DRC10: variants seen among roughly 807,000 people sequenced by gnomAD.
DRC10 encodes IQ domain-containing protein D.
chr12:113,204,959 T>C, the DRC10 span, among the ~76,000 whole-genome samples: 1 of 152,064 alleles, frequency 6.6e-6, no homozygotes, highest in East Asian at 1.9e-4. Context: ...ATCCCTAGCT[T>C]GGAAGGTTCT....
the DRC10 span, chr12:113,197,583 C>A: frequency 6.5e-7 from 1 of 1,534,180 alleles, no homozygotes; most frequent in Non-Finnish European, 8.7e-7. Flanking sequence ...GGATCCAGTT[C>A]TCGATTTCCG....
chr12:113,217,047 C>T, the DRC10 span, among the ~76,000 whole-genome samples: 1 of 152,158 alleles, frequency 6.6e-6, no homozygotes, highest in Non-Finnish European at 1.5e-5. Context: ...TGAGATTGCA[C>T]CACTGCACTC....
the DRC10 span, among the ~76,000 whole-genome samples, chr12:113,204,577 C>G: frequency 1.3e-5 from 2 of 152,252 alleles, no homozygotes; most frequent in Non-Finnish European, 2.9e-5. Context: ...GTAATTGCAA[C>G]AGACCATCTG....
chr12:113,213,893 G>C, the DRC10 span, among the ~76,000 whole-genome samples: 520 of 152,194 alleles, frequency 3.4e-3, 18 homozygotes, highest in East Asian at 0.088. Context: ...GCAGTGAGCC[G>C]AGATTGCAGC....
the DRC10 span, among the ~76,000 whole-genome samples, chr12:113,198,919 T>C: frequency 6.6e-6 from 1 of 151,574 alleles, no homozygotes; most frequent in Non-Finnish European, 1.5e-5. Context: ...AGCAAAACCC[T>C]GTCTCCACAA....
At chr12:113,207,084 C>A in the DRC10 span, 1 of 361,582 alleles carries the variant, frequency 2.8e-6, no homozygotes, top group South Asian at 2.2e-5. Context: ...ATCAATTGGC[C>A]AGGCGCAGTG....
At chr12:113,197,372 C>T in the DRC10 span, among the ~76,000 whole-genome samples, 2 of 152,018 alleles carry the variant, frequency 1.3e-5, no homozygotes, top group African/African-American at 4.8e-5. Context: ...CCACCTCTCA[C>T]TCTGCCCCAG....
chr12:113,220,380 C>T, the DRC10 span, among the ~76,000 whole-genome samples: 1 of 152,032 alleles, frequency 6.6e-6, no homozygotes, highest in African/African-American at 2.4e-5. Context: ...CTTAGCCTCC[C>T]GAGTAGTTGG....
At chr12:113,205,000 C>T in the DRC10 span, among the ~76,000 whole-genome samples, 1 of 151,958 alleles carries the variant, frequency 6.6e-6, no homozygotes, top group South Asian at 2.1e-4. Context: ...TTCACGCCCT[C>T]GCATTCTTCA....
chr12:113,195,798 A>T, the DRC10 span: 2 of 1,613,492 alleles, frequency 1.2e-6, no homozygotes, highest in African/African-American at 2.7e-5. Context: ...GATCTGCGCA[A>T]ACTCTCCCAC....
At chr12:113,208,172 G>T in the DRC10 span, 1 of 1,607,920 alleles carries the variant, frequency 6.2e-7, no homozygotes, top group South Asian at 1.1e-5. Context: ...GCCATCTTGT[G>T]AGCAGCCCTC....
chr12:113,213,566 A>G, the DRC10 span, among the ~76,000 whole-genome samples: 2 of 152,200 alleles, frequency 1.3e-5, no homozygotes, highest in South Asian at 4.1e-4. Context: ...GAAGAAAGGG[A>G]GACAGAGAGA....
the DRC10 span, among the ~76,000 whole-genome samples, chr12:113,214,886 G>C: frequency 1.3e-5 from 2 of 148,360 alleles, no homozygotes; most frequent in Non-Finnish European, 3.0e-5. Context: ...TGTTCTTTTT[G>C]AGAACCTGTG....
the DRC10 span, among the ~76,000 whole-genome samples, chr12:113,217,747 G>T: frequency 6.6e-6 from 1 of 152,316 alleles, no homozygotes; most frequent in East Asian, 1.9e-4. Flanking sequence ...GCCCAGGCTG[G>T]TCTTGAACTC....
the DRC10 span, among the ~76,000 whole-genome samples, chr12:113,201,870 G>A: frequency 5.3e-5 from 8 of 152,334 alleles, no homozygotes; most frequent in Non-Finnish European, 1.0e-4. Flanking sequence ...GGCACCAGGC[G>A]CTGGGAATAT....
the DRC10 span, among the ~76,000 whole-genome samples, chr12:113,218,239 C>T: frequency 3.1e-3 from 474 of 151,674 alleles, 4 homozygotes; most frequent in African/African-American, 0.011. Context: ...TGGGTTCAAG[C>T]GATTCTCCTG....
chr12:113,207,382 C>T, the DRC10 span: 1 of 1,449,576 alleles, frequency 6.9e-7, no homozygotes, highest in South Asian at 1.1e-5. Flanking sequence ...AAAACCCAAC[C>T]AACAAAAGAT....
At chr12:113,200,581 T>A in the DRC10 span, 1 of 1,362,656 alleles carries the variant, frequency 7.3e-7, no homozygotes, top group Middle Eastern at 2.0e-4. Flanking sequence ...CCGGGGCACC[T>A]TCCTCAGCGC....
chr12:113,198,248 A>G, the DRC10 span, among the ~76,000 whole-genome samples: 2,226 of 152,238 alleles, frequency 0.015, 17 homozygotes, highest in Admixed American at 0.024. Context: ...ATTAAAGGAC[A>G]GAAATCAAGC....
Sources: gnomAD v4.1 joint callset for allele counts (sites outside exome capture counted in the v4.1 genomes callset) on GRCh38, gnomAD v4.1.1 for gene constraint, MANE v1.5 for transcripts, NCBI Gene and HGNC (gene_info 2026-07-23, HGNC 2026-07-21) for gene names.